Variants in MAP2K2 observed in about 807,000 individuals in gnomAD.
MAP2K2 encodes the protein dual specificity mitogen-activated protein kinase kinase 2.
Under a neutral mutation model 43.7 loss-of-function variants are expected in MAP2K2, and 24 were observed. The observed-to-expected ratio is 0.55, with a 90% confidence interval of 0.40 to 0.77. The LOEUF (loss-of-function observed/expected upper bound fraction) is 0.77, where lower values mean the gene tolerates loss of function less well. Among genes scored for constraint, MAP2K2 ranks in the 30% least tolerant of loss-of-function variants. The pLI, the probability that MAP2K2 is intolerant of heterozygous loss-of-function variation, is 0.00. For missense variants in MAP2K2, 470 were observed against 566.8 expected (o/e 0.83, Z 1.73); for synonymous variants, 244 against 239.7 (o/e 1.02, Z -0.17).
intron 3 of MAP2K2, among the ~76,000 whole-genome samples, chr19:4,105,155 CGTGTGTGTGTGTGTGTGTGT>C (rs61710801): frequency 1.8e-4 from 25 of 137,756 alleles, no homozygotes; most frequent in East Asian, 4.2e-4. Flanking sequence ...ACACGTCTAC[CGTGTGTGTGTGTGTGTGTGT>C]GTGTGTGTGT....
At chr19:4,094,989 G>A (rs1201919351) in intron 9 of MAP2K2, 12 of 353,998 alleles carry the variant, frequency 3.4e-5, no homozygotes, top group East Asian at 1.4e-4. Flanking sequence ...CACGCCACAG[G>A]TGCTGCTGGG....
intron 10 of MAP2K2, among the ~76,000 whole-genome samples, chr19:4,090,971 G>A (rs2040849379): frequency 6.6e-6 from 1 of 152,226 alleles, no homozygotes; most frequent in Admixed American, 6.5e-5. Context: ...GGCAGCCTGC[G>A]CTCCCAGGGG....
At chr19:4,107,393 G>C (rs990475082) in intron 3 of MAP2K2, among the ~76,000 whole-genome samples, 1 of 151,244 alleles carries the variant, frequency 6.6e-6, no homozygotes, top group Non-Finnish European at 1.5e-5. Flanking sequence ...CTGTGGTGGC[G>C]GGCGCCTGTA....
chr19:4,107,931 C>T (rs1012120598), intron 3 of MAP2K2, among the ~76,000 whole-genome samples: 4 of 152,136 alleles, frequency 2.6e-5, no homozygotes, highest in East Asian at 1.9e-4. Context: ...AGTCCTGTCC[C>T]GAACCCGTGG....
At chr19:4,107,455 T>C (rs1436476837) in intron 3 of MAP2K2, among the ~76,000 whole-genome samples, 1 of 126,174 alleles carries the variant, frequency 7.9e-6, no homozygotes, top group African/African-American at 3.1e-5. Flanking sequence ...ACCTGGGAGG[T>C]GGAGCTTGCA....
rs573819092 is a variant in MAP2K2 at position 4,100,828 on chromosome 19, T to C, written c.705+191A>G. On this transcript the variant is annotated intron_variant, in intron 6 of 10. Coordinates refer to ENST00000262948, the MANE Select transcript of MAP2K2 (RefSeq NM_030662.4). ...GTGCTAACAGCCATGTAGGAGTGTG[T>C]GCCCACGAAATAGTTGGGAAAGCCT... 6.1e-5 allele frequency: 41 copies of C among 669,478 alleles called. No individual in the cohort carries two copies. The East Asian group carries it at 1.1e-3, about 18-fold the overall frequency. The allele number at this position is 669,478 out of a possible 1,614,324, so 41.5% of individuals were successfully genotyped here. A position where few individuals can be genotyped will look rare whatever the true frequency, so the allele number is the denominator to read the frequency against.
intron 6 of MAP2K2, 145 bp downstream of exon 6, chr19:4,100,874 G>T: frequency 1.1e-6 from 1 of 941,092 alleles, no homozygotes; most frequent in Non-Finnish European, 1.6e-6. Flanking sequence ...GGGGAGAGCT[G>T]CGCAGGAGAA....
At chr19:4,109,182 T>C (rs2041125657) in intron 3 of MAP2K2, among the ~76,000 whole-genome samples, 1 of 152,198 alleles carries the variant, frequency 6.6e-6, no homozygotes, top group East Asian at 1.9e-4. Context: ...ATGAGCTCGG[T>C]GTGGCGGGGT....
chr19:4,105,519 G>A (rs552362901), intron 3 of MAP2K2, among the ~76,000 whole-genome samples: 6 of 152,124 alleles, frequency 3.9e-5, no homozygotes, highest in South Asian at 4.1e-4. Context: ...TGATCCGCCC[G>A]CCTCGGCCTC....
intron 1 of MAP2K2, among the ~76,000 whole-genome samples, chr19:4,120,196 G>A (rs562549204): frequency 6.6e-6 from 1 of 152,250 alleles, no homozygotes; most frequent in Non-Finnish European, 1.5e-5. Flanking sequence ...CCTAGTAGGT[G>A]CTCACTGAGG....
intron 3 of MAP2K2, among the ~76,000 whole-genome samples, chr19:4,108,107 G>A (rs1266744500): frequency 1.3e-5 from 2 of 152,192 alleles, no homozygotes; most frequent in African/African-American, 4.8e-5. Context: ...CGAGAGCATC[G>A]TTCAGCATGG....
In MAP2K2 at chr19:4,090,793, T is replaced by C. The variant is rs867914555; in HGVS notation, c.1093-85A>G. The C allele has an allele frequency of 2.0e-5, 18 of 907,160 alleles. No homozygotes were observed. The South Asian group carries it at 2.1e-4, about 11-fold the overall frequency. 56.2% of individuals were successfully genotyped at this position (907,160 alleles called of 1,614,324 possible). A position where few individuals can be genotyped will look rare whatever the true frequency, so the allele number is the denominator to read the frequency against. ...CCAGCGTCTGCCCAGCCCTGGCAGA[T>C]GGTACGGGACAGAAAGCAAAAAACA... On this transcript the variant is annotated intron_variant, in intron 10 of 10. Transcript: ENST00000262948.
intron 2 of MAP2K2, among the ~76,000 whole-genome samples, chr19:4,113,331 G>GTAAT (rs1406403725): frequency 6.6e-6 from 1 of 152,180 alleles, no homozygotes; most frequent in Non-Finnish European, 1.5e-5. Context: ...TAATGGTTCT[G>GTAAT]TAATACCTGG....
At chr19:4,109,040 C>T (rs544419506) in intron 3 of MAP2K2, among the ~76,000 whole-genome samples, 31 of 152,292 alleles carry the variant, frequency 2.0e-4, no homozygotes, top group South Asian at 6.2e-4. Flanking sequence ...CACATGGCTA[C>T]GTGGGGGCCT....
At chr19:4,105,870 C>T (rs1338810815) in intron 3 of MAP2K2, among the ~76,000 whole-genome samples, 1 of 151,844 alleles carries the variant, frequency 6.6e-6, no homozygotes, top group Non-Finnish European at 1.5e-5. Context: ...CCTCATGTTG[C>T]CCAGGCTGCT....
At chr19:4,118,000 C>T (rs1052448521) in intron 1 of MAP2K2, among the ~76,000 whole-genome samples, 4 of 152,030 alleles carry the variant, frequency 2.6e-5, no homozygotes, top group African/African-American at 7.2e-5. Context: ...TGCAGTGGCG[C>T]GATCTCGGCT....
intron 9 of MAP2K2, chr19:4,095,040 C>T (rs2145042867): frequency 2.7e-6 from 1 of 373,104 alleles, no homozygotes; most frequent in East Asian, 4.5e-5. Flanking sequence ...GGCGACCCTC[C>T]CAGAACCTGC....
Position 4,095,202 on chromosome 19 carries a change from G to A in MAP2K2, c.1046+186C>T, listed in dbSNP as rs2040899643. ...CCTGGGCTCACGGACAGGATGGCAT[G>A]GCAGCCGGGAGCTGCAGCCCCACAG... On this transcript the variant is annotated intron_variant, in intron 9 of 10. Coordinates refer to ENST00000262948, the MANE Select transcript of MAP2K2 (RefSeq NM_030662.4). The A allele has an allele frequency of 6.7e-6, 4 of 593,108 alleles. No individual in the cohort carries two copies. The Admixed American group carries it at 1.1e-4, about 17-fold the overall frequency. The allele number at this position is 593,108 out of a possible 1,614,324, so 36.7% of individuals were successfully genotyped here.
At chr19:4,102,866 C>A (rs576023262) in intron 3 of MAP2K2, 8 of 1,180,578 alleles carry the variant, frequency 6.8e-6, no homozygotes, top group African/African-American at 3.2e-5. Context: ...TGGAGACCAG[C>A]GTCTTGGGCC....
Sources: allele counts gnomAD v4.1 joint callset (sites outside exome capture counted in the v4.1 genomes callset), GRCh38; gene constraint gnomAD v4.1.1; transcripts MANE v1.5; gene names NCBI Gene and HGNC (gene_info 2026-07-23, HGNC 2026-07-21).